Variants in GAD2 observed in about 807,000 individuals in gnomAD.
GAD2 encodes the protein 65 kDa glutamic acid decarboxylase.
Under a neutral mutation model 80.1 loss-of-function variants are expected in GAD2, and 22 were observed. The ratio of observed to expected loss-of-function variants is 0.27; its 90% CI spans 0.20 to 0.39. GAD2 has a LOEUF of 0.39. Ranked by LOEUF, GAD2 falls within the 10% of genes least tolerant of loss-of-function variation. The pLI is 1.00. For synonymous variants in GAD2, 274 were observed against 256.9 expected, an observed-to-expected ratio of 1.07 and a Z score of -0.64; for missense variants, 624 against 738.4, an observed-to-expected ratio of 0.85 and a Z score of 1.80.
rs1445682262 is a variant in GAD2, at chr10:26,232,956, G to A, written c.840+3179G>A. 6.6e-5 allele frequency among the ~76,000 whole-genome samples: 10 copies of A among 152,178 alleles called. 1 individual carries two copies. In the South Asian group the frequency reaches 2.1e-3, roughly 32 times the overall value. ...AAAATACCAATAGGCTCTAACTTTG[G>A]CCTATCATTTGGGTTATCATTGCCT... On this transcript the variant is annotated intron_variant, in intron 7 of 15. Coordinates refer to ENST00000376261, the MANE Select transcript of GAD2 (RefSeq NM_001134366.2).
At chr10:26,216,616 C>G (rs539023340), upstream of GAD2, 1 of 449,278 alleles carries the variant, frequency 2.2e-6, no homozygotes, top group African/African-American at 2.1e-5. The surrounding 1 kb of genome is among the most constrained non-coding windows in gnomAD (Gnocchi z 4.7). Context: ...CTGTCTCCAG[C>G]TCGCATACAC....
intron 7 of GAD2, among the ~76,000 whole-genome samples, chr10:26,244,707 T>C (rs1844783661): frequency 1.3e-5 from 2 of 152,152 alleles, no homozygotes; most frequent in African/African-American, 4.8e-5. Context: ...GGAATGGTGG[T>C]ATTCAGGGGT....
intron 7 of GAD2, among the ~76,000 whole-genome samples, chr10:26,232,516 C>T (rs1844617249): frequency 6.7e-6 from 1 of 148,300 alleles, no homozygotes. Context: ...GCCCTGTCGC[C>T]CAGGCTGGAG....
intron 11 of GAD2, among the ~76,000 whole-genome samples, chr10:26,275,877 G>A (rs1371799052): frequency 6.6e-6 from 1 of 152,214 alleles, no homozygotes; most frequent in East Asian, 1.9e-4. Flanking sequence ...AATGGCACAA[G>A]GGGGCCGGGC....
intron 8 of GAD2, among the ~76,000 whole-genome samples, chr10:26,261,395 T>G (rs1238615030): frequency 1.3e-5 from 2 of 152,178 alleles, no homozygotes; most frequent in African/African-American, 4.8e-5. Flanking sequence ...TCTTTCCTTG[T>G]AAAATGCCTT....
chr10:26,233,237 C>A (rs1844628111), intron 7 of GAD2, among the ~76,000 whole-genome samples: 1 of 152,188 alleles, frequency 6.6e-6, no homozygotes, highest in Non-Finnish European at 1.5e-5. Context: ...CTGTAGAAAC[C>A]AGATTAAAAG....
chr10:26,253,556 A>G (rs1018056066), intron 8 of GAD2, among the ~76,000 whole-genome samples: 11 of 152,248 alleles, frequency 7.2e-5, no homozygotes, highest in Admixed American at 5.2e-4. Context: ...TCAAGGGAAG[A>G]GGAGAGAAAA....
chr10:26,251,276 AT>A lies in GAD2; in HGVS notation c.920+5277del, dbSNP rs376573559. 2.0e-4 allele frequency among the ~76,000 whole-genome samples: 31 copies of A among 152,272 alleles called. No individual in the cohort carries two copies. The South Asian group carries it at 6.2e-3, about 31-fold the overall frequency. ...TACAAACACAAACACACTTAACTGT[AT>A]AACATTTTACATATGAATATGTCAG... On this transcript the variant is annotated intron_variant, in intron 8 of 15. Transcript: ENST00000376261.
chr10:26,237,549 G>A (rs1473497385), intron 7 of GAD2, among the ~76,000 whole-genome samples: 1 of 152,048 alleles, frequency 6.6e-6, no homozygotes, highest in Admixed American at 6.5e-5. Flanking sequence ...AGAGGGAGCA[G>A]GGAGAGCAGA....
chr10:26,290,301 T>G (rs1834199042), intron 13 of GAD2, among the ~76,000 whole-genome samples: 1 of 152,158 alleles, frequency 6.6e-6, no homozygotes, highest in Non-Finnish European at 1.5e-5. Flanking sequence ...TTAGGACTGA[T>G]CACAAAAGAA....
chr10:26,270,928 C>T (rs963097076), intron 10 of GAD2, among the ~76,000 whole-genome samples, 172 bp downstream of exon 10: 1 of 152,144 alleles, frequency 6.6e-6, no homozygotes, highest in South Asian at 2.1e-4. Context: ...TCACACAGTA[C>T]ACACCGTGCA....
In GAD2 at chr10:26,302,339, A is replaced by G. The variant is rs1398832240; in HGVS notation, c.*1378A>G. 6.6e-6 allele frequency: 1 copy of G among 152,194 alleles called. No individual in the cohort carries two copies. Among genetic ancestry groups the G allele is most frequent in the Non-Finnish European group, 1.5e-5 (1 of 68,040 alleles). 9.4% of individuals were successfully genotyped at this position (152,194 alleles called of 1,614,324 possible). A position where few individuals can be genotyped will look rare whatever the true frequency, so the allele number is the denominator to read the frequency against. The stretch of plus-strand genomic sequence containing the variant: ...TAAGATTTTCCTTTATCCATCTCCC[A>G]TCGAGATCCAAAGTGACCAGAATAT... On this transcript the variant is annotated 3_prime_UTR_variant, in exon 16 of 16. Transcript: ENST00000376261.
chr10:26,254,495 C>T (rs1197290119), intron 8 of GAD2, among the ~76,000 whole-genome samples: 2 of 152,106 alleles, frequency 1.3e-5, no homozygotes, highest in Non-Finnish European at 2.9e-5. Flanking sequence ...AGTACTGGTC[C>T]GTGGCCCGGG....
chr10:26,290,720 C>A (rs181731859), intron 13 of GAD2, among the ~76,000 whole-genome samples: 4 of 152,262 alleles, frequency 2.6e-5, no homozygotes, highest in African/African-American at 7.2e-5. Context: ...AGATGTCAAA[C>A]CCCAAGACCA....
At position 26,303,464 on chromosome 10, in the gene GAD2, G is replaced by GAGGGAGGA; in HGVS notation, c.*2508_*2509insGGAAGGGA. Reference sequence around the variant, plus strand: ...GGAGGAAGGGAGGGAGGGAGGGAGGGAGGGAAGGAGGGAGGGAGGAAGGAA... The same window carrying GAGGGAGGA: ...GGAGGAAGGGAGGGAGGGAGGGAGGGAGGGAGGAAGGGAAGGAGGGAGGGAGGAAGGAA... On this transcript the variant is annotated 3_prime_UTR_variant, in exon 16 of 16. Coordinates refer to ENST00000376261, the MANE Select transcript of GAD2 (RefSeq NM_001134366.2). 8.6e-6 allele frequency: 1 copy of GAGGGAGGA among 116,182 alleles called. No individual in the cohort carries two copies. The highest frequency in any genetic ancestry group is 2.5e-4 in the East Asian group (1 of 3,924). The allele number at this position is 116,182 out of a possible 1,614,324, so 7.2% of individuals were successfully genotyped here.
chr10:26,252,910 G>A (rs1844896993), intron 8 of GAD2, among the ~76,000 whole-genome samples: 2 of 151,988 alleles, frequency 1.3e-5, no homozygotes, highest in South Asian at 2.1e-4. Context: ...CACCCGCCTC[G>A]ACCTCCCAAA....
At chr10:26,280,645 T>C (rs543352249) in intron 11 of GAD2, among the ~76,000 whole-genome samples, 31 of 152,244 alleles carry the variant, frequency 2.0e-4, no homozygotes, top group Admixed American at 1.6e-3. Flanking sequence ...CTTAGTGATT[T>C]TGGGGGTCCG....
At chr10:26,224,776 A>C in intron 6 of GAD2, 125 bp downstream of exon 6, 3 of 666,846 alleles carry the variant, frequency 4.5e-6, no homozygotes, top group Non-Finnish European at 7.8e-6. Context: ...TGTGTTGATC[A>C]AAAGAATGAC....
intron 15 of GAD2, among the ~76,000 whole-genome samples, chr10:26,298,997 A>G (rs1427138135): frequency 6.6e-6 from 1 of 152,238 alleles, no homozygotes; most frequent in Non-Finnish European, 1.5e-5. Flanking sequence ...GATCAGGCCA[A>G]GAGAAACATT....
Sources: gnomAD v4.1 joint callset for allele counts (sites outside exome capture counted in the v4.1 genomes callset) on GRCh38, gnomAD v4.1.1 for gene constraint, Gnocchi (gnomAD v3.1) non-coding constraint, MANE v1.5 for transcripts, NCBI Gene and HGNC (gene_info 2026-07-23, HGNC 2026-07-21) for gene names.